The following DOCK2 variants were observed in gnomAD, a reference collection of about 807,000 sequenced individuals.
DOCK2 encodes the protein dedicator of cytokinesis 2.
In DOCK2, 87 loss-of-function variants were observed where a neutral mutation model predicts 248.9. The ratio of observed to expected loss-of-function variants is 0.35; its 90% CI spans 0.29 to 0.42. DOCK2 has a LOEUF of 0.42. DOCK2 is among the 10% of genes least tolerant of loss of function. The pLI, the probability that DOCK2 is intolerant of heterozygous loss-of-function variation, is 1.00. For synonymous variants in DOCK2, 805 were observed against 821.6 expected (o/e 0.98, Z 0.35); for missense variants, 1,747 against 2,300.2 (o/e 0.76, Z 4.92).
chr5:169,811,098 G>A (rs559678146), intron 26 of DOCK2, among the ~76,000 whole-genome samples: 8 of 152,102 alleles, frequency 5.3e-5, no homozygotes, highest in South Asian at 4.2e-4. Context: ...TTAGAATCCC[G>A]ATGGGAGGGG....
At chr5:169,723,128 A>G (rs1762296506) in intron 22 of DOCK2, among the ~76,000 whole-genome samples, 1 of 151,934 alleles carries the variant, frequency 6.6e-6, no homozygotes, top group Non-Finnish European at 1.5e-5. Context: ...CTTATTACAG[A>G]CCTGCTTATT....
chr5:169,681,108 T>C (rs897267590), intron 6 of DOCK2, among the ~76,000 whole-genome samples: 1 of 148,546 alleles, frequency 6.7e-6, no homozygotes, highest in Non-Finnish European at 1.5e-5. Flanking sequence ...TCTCTTTTAG[T>C]AGACCTTTTT....
intron 6 of DOCK2, among the ~76,000 whole-genome samples, chr5:169,677,354 A>G (rs948350213): frequency 2.6e-5 from 4 of 152,148 alleles, no homozygotes; most frequent in African/African-American, 9.7e-5. Context: ...TTTTTTTGAT[A>G]AAGAACTGCA....
At chr5:170,050,583 G>T (rs551130964) in intron 41 of DOCK2, among the ~76,000 whole-genome samples, 186 bp downstream of exon 41, 1 of 152,280 alleles carries the variant, frequency 6.6e-6, no homozygotes, top group East Asian at 1.9e-4. Context: ...GACTCTTCAT[G>T]ATCCTGGCAT....
At chr5:169,881,674 C>T (rs1395339940) in intron 27 of DOCK2, among the ~76,000 whole-genome samples, 1 of 152,136 alleles carries the variant, frequency 6.6e-6, no homozygotes, top group Non-Finnish European at 1.5e-5. Flanking sequence ...ATGCTGACAA[C>T]AATCCTGTTG....
chr5:169,955,218 G>T (rs1453537607), intron 27 of DOCK2, among the ~76,000 whole-genome samples: 1 of 152,208 alleles, frequency 6.6e-6, no homozygotes, highest in Non-Finnish European at 1.5e-5. Flanking sequence ...GAGTGGTCCT[G>T]CAGGAGAAGG....
In DOCK2 at chr5:169,753,677, A is replaced by G. The variant is rs139842643; in HGVS notation, c.2377-6028A>G. ...TCTTCTGGCAAAACCCCAGGTGGAT[A>G]AGACTCAGGGGACCCCATAAAGTTG... On this transcript the variant is annotated intron_variant, in intron 23 of 51. Coordinates refer to ENST00000520908, the MANE Select transcript of DOCK2 (RefSeq NM_004946.3). Among the ~76,000 whole-genome samples the G allele has an allele frequency of 8.2e-3, 1,256 of 152,288 alleles. 45 individuals carry two copies. The highest frequency in any genetic ancestry group is 0.07 in the Admixed American group (1,072 of 15,288).
intron 27 of DOCK2, among the ~76,000 whole-genome samples, chr5:169,977,188 C>T (rs1777746208): frequency 6.6e-6 from 1 of 152,212 alleles, no homozygotes; most frequent in Non-Finnish European, 1.5e-5. Flanking sequence ...TCCCAGCATG[C>T]TCTGTTCCAA....
rs994920389 is a variant in DOCK2 at position 169,724,728 on chromosome 5, G to A, written c.2267+5937G>A. On this transcript the variant is annotated intron_variant, in intron 22 of 51. Coordinates refer to ENST00000520908, the MANE Select transcript of DOCK2 (RefSeq NM_004946.3). ...CATCAATGACCAGACCCCAGACACCGGCTTTCTGGTACTTTCTTTTGTCTT... is the reference window on the plus strand; with the variant it reads ...CATCAATGACCAGACCCCAGACACCAGCTTTCTGGTACTTTCTTTTGTCTT... Among the ~76,000 whole-genome samples, 15 of 151,266 alleles carry A rather than the reference G, an allele frequency of 9.9e-5. No homozygotes were observed. The South Asian group carries it at 2.9e-3, about 30-fold the overall frequency.
chr5:170,008,490 T>G lies in DOCK2; in HGVS notation c.3073-7T>G, dbSNP rs1189643457. The G allele has an allele frequency of 2.5e-6, 4 of 1,614,074 alleles. No homozygotes were observed. The highest frequency in any genetic ancestry group is 3.4e-6 in the Non-Finnish European group (4 of 1,179,914). On this transcript the variant is annotated splice_polypyrimidine_tract_variant and splice_region_variant and intron_variant, in intron 30 of 51. Transcript: ENST00000520908. ...TCCATAACTGTTCTCTGCTCTTTCA[T>G]TTACAGCTGTGGAACAACTATTTTC...
rs772593666 is a variant in DOCK2 at position 170,080,275 on chromosome 5, C to T, written c.5279C>T (p.Thr1760Ile). ...QMSFASQSMP[T>I]IPALALSVAG... The stretch of plus-strand genomic sequence containing the variant: ...AGCTTTGCCAGCCAGTCCATGCCTA[C>T]CATCCCAGGTATGCCCCCTGCTGCC... Residue 1760 changes from threonine (T) to isoleucine (I), a missense_variant, in exon 50 of 52, where the codon ACC becomes ATC. Coordinates refer to ENST00000520908, the MANE Select transcript of DOCK2 (RefSeq NM_004946.3). 6 of 1,614,150 alleles carry T rather than the reference C, an allele frequency of 3.7e-6. No individual in the cohort carries two copies. In the Admixed American group the frequency reaches 6.7e-5, roughly 18 times the overall value.
chr5:169,919,547 A>G lies in DOCK2; in HGVS notation c.2800-63521A>G, dbSNP rs137989793. ...TTTTGACCTTAATTCTCCAGCATGC[A>G]TTTCTTTGATGTGGACATTAAACTG... On this transcript the variant is annotated intron_variant, in intron 27 of 51. Coordinates refer to ENST00000520908, the MANE Select transcript of DOCK2 (RefSeq NM_004946.3). 3.2e-3 allele frequency among the ~76,000 whole-genome samples: 492 copies of G among 152,320 alleles called. 1 individual carries two copies. The highest frequency in any genetic ancestry group is 0.011 in the African/African-American group (467 of 41,584).
chr5:169,924,312 G>A (rs1775326710), intron 27 of DOCK2, among the ~76,000 whole-genome samples: 1 of 152,084 alleles, frequency 6.6e-6, no homozygotes, highest in African/African-American at 2.4e-5. Context: ...AAAATAAATA[G>A]GAAGTCTCTG....
intron 27 of DOCK2, among the ~76,000 whole-genome samples, chr5:169,845,414 G>A (rs77175535): frequency 2.0e-5 from 3 of 152,016 alleles, no homozygotes; most frequent in African/African-American, 4.8e-5. Flanking sequence ...TGGACCCCCC[G>A]AGGTCAGGCA....
intron 10 of DOCK2, among the ~76,000 whole-genome samples, chr5:169,696,661 G>C (rs1195914923): frequency 6.6e-6 from 1 of 152,124 alleles, no homozygotes; most frequent in East Asian, 1.9e-4. Flanking sequence ...AATTTTAAGA[G>C]TATACCGTGC....
At chr5:169,977,433 G>C (rs1777754816) in intron 27 of DOCK2, among the ~76,000 whole-genome samples, 1 of 152,156 alleles carries the variant, frequency 6.6e-6, no homozygotes, top group Non-Finnish European at 1.5e-5. Context: ...AATAATAGCT[G>C]CTATTATCGA....
intron 27 of DOCK2, among the ~76,000 whole-genome samples, chr5:169,851,903 A>G (rs776400770): frequency 5.3e-5 from 8 of 152,190 alleles, no homozygotes; most frequent in Non-Finnish European, 7.3e-5. Context: ...CCCTCCCTCA[A>G]CACATGGGGA....
intron 27 of DOCK2, among the ~76,000 whole-genome samples, chr5:169,903,611 C>T (rs1353365553): frequency 6.6e-6 from 1 of 152,036 alleles, no homozygotes; most frequent in East Asian, 1.9e-4. Context: ...GGTACAAAGG[C>T]CTCCAAGTAT....
chr5:170,025,323 G>T (rs1209062213), intron 33 of DOCK2, among the ~76,000 whole-genome samples: 2 of 152,220 alleles, frequency 1.3e-5, no homozygotes, highest in African/African-American at 4.8e-5. Flanking sequence ...GCCAATTTGT[G>T]TATGTGTTGT....
Sources: gnomAD v4.1 joint callset for allele counts (sites outside exome capture counted in the v4.1 genomes callset) on GRCh38, gnomAD v4.1.1 for gene constraint, MANE v1.5 for transcripts, NCBI Gene and HGNC (gene_info 2026-07-23, HGNC 2026-07-21) for gene names.